Variants in SIK3 observed in about 807,000 individuals in gnomAD.
SIK3 encodes the protein SIK family kinase 3, also known as serine/threonine-protein kinase SIK3.
A neutral mutation model predicts 144.2 loss-of-function variants in SIK3; 28 were observed. The ratio of observed to expected loss-of-function variants is 0.19; its 90% CI spans 0.14 to 0.27. SIK3 has a LOEUF of 0.27. SIK3 is among the 10% of genes least tolerant of loss of function. SIK3 has a pLI of 1.00. For missense variants in SIK3, 1,319 were observed against 1,776.0 expected (o/e 0.74, Z 4.62); for synonymous variants, 686 against 676.3 (o/e 1.01, Z -0.22).
At chr11:116,925,870 T>A (rs1947245942) in intron 4 of SIK3, among the ~76,000 whole-genome samples, 1 of 152,240 alleles carries the variant, frequency 6.6e-6, no homozygotes, top group African/African-American at 2.4e-5. Context: ...CTTTAATTCC[T>A]GTGTACTCTG....
chr11:116,926,905 T>C lies in SIK3; in HGVS notation c.616+314A>G, dbSNP rs140705488. On this transcript the variant is annotated intron_variant, in intron 4 of 24. Transcript: ENST00000445177. ...GCGTGGTGATGCGCACCTGTAATCCTAGCTACTTGGGAGGCTGAGGCAGGA... is the reference window on the plus strand; with the variant it reads ...GCGTGGTGATGCGCACCTGTAATCCCAGCTACTTGGGAGGCTGAGGCAGGA... Among the ~76,000 whole-genome samples the C allele has an allele frequency of 6.3e-3, 958 of 151,378 alleles. 9 individuals carry two copies. The highest frequency in any genetic ancestry group is 0.022 in the African/African-American group (926 of 41,216).
rs556831881 is a variant in SIK3 at position 116,957,077 on chromosome 11, G to A, written c.274-13C>T. 3 of 1,508,946 alleles carry A rather than the reference G, an allele frequency of 2.0e-6. No homozygotes were observed. Among genetic ancestry groups the A allele is most frequent in the South Asian group, 2.5e-5 (2 of 80,338 alleles). 93.5% of individuals were successfully genotyped at this position (1,508,946 alleles called of 1,614,324 possible). On this transcript the variant is annotated splice_polypyrimidine_tract_variant and intron_variant, in intron 1 of 24. Coordinates refer to ENST00000445177, the MANE Select transcript of SIK3 (RefSeq NM_001366686.3). ...TCTTGATAGCAACCTGACAACAGAG[G>A]GAAAAAAATTACTCTGATGCATTAT...
At chr11:117,022,639 A>C (rs114510273) in intron 1 of SIK3, among the ~76,000 whole-genome samples, 27 of 152,324 alleles carry the variant, frequency 1.8e-4, no homozygotes, top group African/African-American at 6.3e-4. Flanking sequence ...CCATCAGCCA[A>C]AGCAAAAACA....
At chr11:116,977,319 C>A (rs1252316229) in intron 1 of SIK3, among the ~76,000 whole-genome samples, 1 of 149,906 alleles carries the variant, frequency 6.7e-6, no homozygotes, top group African/African-American at 2.4e-5. Flanking sequence ...GGGCTCAAGG[C>A]ATCCTCCCTC....
At chr11:117,078,451 T>C (rs1025374801) in intron 1 of SIK3, among the ~76,000 whole-genome samples, 4 of 149,516 alleles carry the variant, frequency 2.7e-5, no homozygotes, top group African/African-American at 1.0e-4. Context: ...GAGTCTTGCT[T>C]TGTCACCCAG....
Position 116,922,912 on chromosome 11 carries a change from T to C in SIK3, c.616+4307A>G, listed in dbSNP as rs1417360046. On this transcript the variant is annotated intron_variant, in intron 4 of 24. Transcript: ENST00000445177. ...AATTTCTCCTTTTCTTTTCTCTTTTTTTTTTTTTTTTTTTTTTTTTTTGAG... is the reference window on the plus strand; with the variant it reads ...AATTTCTCCTTTTCTTTTCTCTTTTCTTTTTTTTTTTTTTTTTTTTTTGAG... Among the ~76,000 whole-genome samples, 132 of 76,382 alleles carry C rather than the reference T, an allele frequency of 1.7e-3. 4 individuals carry two copies. Among genetic ancestry groups the C allele is most frequent in the African/African-American group, 9.1e-3 (117 of 12,926 alleles). The allele number at this position is 76,382 out of a possible 152,430, so 50.1% of individuals were successfully genotyped here.
intron 22 of SIK3, 47 bp from the exon 23 acceptor site, chr11:116,847,655 C>G (rs745856286): frequency 1.9e-6 from 3 of 1,610,862 alleles, no homozygotes; most frequent in African/African-American, 2.7e-5. Context: ...AGACACCACT[C>G]TCAGGCAACC....
chr11:116,859,752 T>C, intron 19 of SIK3, 148 bp from the exon 20 acceptor site: 1 of 684,484 alleles, frequency 1.5e-6, no homozygotes, highest in Non-Finnish European at 2.5e-6. Flanking sequence ...CTGGAGAACT[T>C]GTTAAACAGA....
chr11:116,900,182 C>T (rs1201370330), intron 4 of SIK3, among the ~76,000 whole-genome samples: 3 of 152,174 alleles, frequency 2.0e-5, no homozygotes, highest in Non-Finnish European at 4.4e-5. Context: ...CCTGCGCTTT[C>T]AGTGCTTTTA....
At chr11:116,986,244 G>A (rs1451768012) in intron 1 of SIK3, among the ~76,000 whole-genome samples, 1 of 152,192 alleles carries the variant, frequency 6.6e-6, no homozygotes, top group Non-Finnish European at 1.5e-5. Flanking sequence ...GCTTGGGGCA[G>A]CAGAGTGACA....
At chr11:116,889,731 A>AT (rs1172344357) in intron 6 of SIK3, among the ~76,000 whole-genome samples, 2 of 152,106 alleles carry the variant, frequency 1.3e-5, no homozygotes, top group African/African-American at 4.8e-5. Flanking sequence ...TCCCATCTCT[A>AT]CAAAAAAATA....
intron 3 of SIK3, among the ~76,000 whole-genome samples, chr11:116,933,651 TCTC>T (rs1947747944): frequency 6.6e-6 from 1 of 152,150 alleles, no homozygotes; most frequent in Non-Finnish European, 1.5e-5. Flanking sequence ...TCTCTCTCTC[TCTC>T]TCAAGAGACA....
At chr11:117,097,245 CGATGAGTG>C (rs1955515784) in intron 1 of SIK3, among the ~76,000 whole-genome samples, 1 of 152,126 alleles carries the variant, frequency 6.6e-6, no homozygotes, top group Non-Finnish European at 1.5e-5. Flanking sequence ...ACTAAGGGCT[CGATGAGTG>C]TAATCTCCCG....
At chr11:116,951,084 C>T (rs1220026394) in intron 3 of SIK3, among the ~76,000 whole-genome samples, 2 of 152,196 alleles carry the variant, frequency 1.3e-5, no homozygotes, top group Non-Finnish European at 2.9e-5. Flanking sequence ...CTCATTTAAT[C>T]TTCACAACTA....
chr11:116,874,635 T>A (rs17120115), intron 11 of SIK3, among the ~76,000 whole-genome samples: 3 of 152,190 alleles, frequency 2.0e-5, no homozygotes, highest in Non-Finnish European at 4.4e-5. Flanking sequence ...TATTTGATCA[T>A]AGGCTGAGAA....
At chr11:117,003,807 G>A (rs1408184407) in intron 1 of SIK3, among the ~76,000 whole-genome samples, 2 of 152,132 alleles carry the variant, frequency 1.3e-5, no homozygotes, top group Non-Finnish European at 2.9e-5. Context: ...AACAATTCAA[G>A]CTGAGAATTT....
intron 1 of SIK3, among the ~76,000 whole-genome samples, chr11:117,078,086 A>C (rs1016864728): frequency 6.6e-6 from 1 of 152,234 alleles, no homozygotes; most frequent in African/African-American, 2.4e-5. Context: ...GGATTTTATC[A>C]CATTAGGCAT....
intron 1 of SIK3, among the ~76,000 whole-genome samples, chr11:116,991,864 C>G (rs1591492859): frequency 6.6e-6 from 1 of 152,096 alleles, no homozygotes; most frequent in African/African-American, 2.4e-5. Flanking sequence ...CATCTTCAGG[C>G]AAAATTAACT....
intron 1 of SIK3, among the ~76,000 whole-genome samples, chr11:117,076,834 C>A (rs1399897195): frequency 1.3e-5 from 2 of 152,136 alleles, no homozygotes; most frequent in Non-Finnish European, 2.9e-5. Context: ...AGCCACTGCA[C>A]CCGGCTGCCT....
Sources: allele counts gnomAD v4.1 joint callset (sites outside exome capture counted in the v4.1 genomes callset), GRCh38; gene constraint gnomAD v4.1.1; transcripts MANE v1.5; gene names NCBI Gene and HGNC (gene_info 2026-07-23, HGNC 2026-07-21).